GPC5: variants seen among roughly 807,000 people sequenced by gnomAD.
GPC5 encodes the protein glypican 5.
A neutral mutation model predicts 53.9 loss-of-function variants in GPC5; 47 were observed. The ratio of observed to expected loss-of-function variants is 0.87; its 90% CI spans 0.69 to 1.11. The LOEUF (loss-of-function observed/expected upper bound fraction) is 1.11, where lower values mean the gene tolerates loss of function less well. Among genes scored for constraint, GPC5 ranks in the 50% most tolerant of loss-of-function variants. The probability of loss-of-function intolerance (pLI) is 0.00; values close to 1 mark genes in which losing one functional copy is unlikely to be tolerated. For missense variants in GPC5, 748 were observed against 713.1 expected (o/e 1.05, Z -0.56); for synonymous variants, 286 against 263.3 (o/e 1.09, Z -0.84).
intron 6 of GPC5, among the ~76,000 whole-genome samples, chr13:92,076,222 C>G (rs189433683): frequency 3.2e-4 from 48 of 152,162 alleles, no homozygotes; most frequent in African/African-American, 1.2e-3. Flanking sequence ...GCGCCCACCA[C>G]CATGCCTGGC....
At chr13:92,084,091 G>C (rs1485062539) in intron 6 of GPC5, among the ~76,000 whole-genome samples, 2 of 152,112 alleles carry the variant, frequency 1.3e-5, no homozygotes, top group African/African-American at 4.8e-5. Flanking sequence ...ATGGACACAG[G>C]GAGAGGACCA....
intron 7 of GPC5, among the ~76,000 whole-genome samples, chr13:92,315,947 G>C (rs933769631): frequency 1.2e-4 from 18 of 152,036 alleles, no homozygotes; most frequent in Non-Finnish European, 2.6e-4. Flanking sequence ...ACCCTTACAT[G>C]GTTATAATAA....
chr13:92,467,572 T>C lies in GPC5; in HGVS notation c.1561+322583T>C, dbSNP rs534707733. Among the ~76,000 whole-genome samples, 37 of 152,190 alleles carry C rather than the reference T, an allele frequency of 2.4e-4. 1 individual carries two copies. The South Asian group carries it at 5.4e-3, about 22-fold the overall frequency. On this transcript the variant is annotated intron_variant, in intron 7 of 7. Coordinates refer to ENST00000377067, the MANE Select transcript of GPC5 (RefSeq NM_004466.6). ...TTACAGACATACACACAAAGAAATA[T>C]ATGATGTAGGTACTATTGTTATCTT... is the stretch of plus-strand genomic sequence containing the variant.
intron 7 of GPC5, among the ~76,000 whole-genome samples, chr13:92,169,205 A>G (rs1450140884): frequency 1.3e-5 from 2 of 152,166 alleles, no homozygotes; most frequent in Non-Finnish European, 2.9e-5. Context: ...AAGGGAGAGC[A>G]TTGGGAAAAA....
intron 7 of GPC5, among the ~76,000 whole-genome samples, chr13:92,432,787 A>G (rs1877150490): frequency 6.6e-6 from 1 of 152,128 alleles, no homozygotes; most frequent in Non-Finnish European, 1.5e-5. Context: ...TTGGTTGAAT[A>G]TAAGATTCCA....
intron 4 of GPC5, among the ~76,000 whole-genome samples, chr13:91,730,882 G>A (rs2036682521): frequency 6.6e-6 from 1 of 152,164 alleles, no homozygotes; most frequent in Non-Finnish European, 1.5e-5. Flanking sequence ...GAATATCCCA[G>A]TAACATCCAG....
intron 7 of GPC5, among the ~76,000 whole-genome samples, chr13:92,601,742 A>C (rs1490521686): frequency 6.6e-6 from 1 of 152,004 alleles, no homozygotes; most frequent in African/African-American, 2.4e-5. Context: ...TAGTATTATT[A>C]GATTTTATTA....
rs575103420 is a variant in GPC5, at chr13:91,645,616, C to T, written c.326-47571C>T. ...ATTTACGTAAGATAGTGTGAGGTCA[C>T]TTTGAGAAAGGATTTCCTTATCCTA... On this transcript the variant is annotated intron_variant, in intron 2 of 7. Coordinates refer to ENST00000377067, the MANE Select transcript of GPC5 (RefSeq NM_004466.6). Among the ~76,000 whole-genome samples, 37 of 152,266 alleles carry T rather than the reference C, an allele frequency of 2.4e-4. No homozygotes were observed. The South Asian group carries it at 7.7e-3, about 32-fold the overall frequency.
intron 3 of GPC5, among the ~76,000 whole-genome samples, chr13:91,709,487 A>C (rs2036180655): frequency 6.6e-6 from 1 of 152,044 alleles, no homozygotes; most frequent in African/African-American, 2.4e-5. Context: ...TTTTGAATGA[A>C]ATAGGCTCTC....
chr13:92,519,041 C>T (rs1377047314), intron 7 of GPC5, among the ~76,000 whole-genome samples: 1 of 152,140 alleles, frequency 6.6e-6, no homozygotes, highest in Non-Finnish European at 1.5e-5. Flanking sequence ...AAGGCCATTA[C>T]ATAATGGTAA....
At chr13:91,879,352 C>T (rs1006629977) in intron 5 of GPC5, among the ~76,000 whole-genome samples, 12 of 152,078 alleles carry the variant, frequency 7.9e-5, no homozygotes, top group Non-Finnish European at 1.5e-4. Context: ...TAAATTTTAT[C>T]GGTCATGCAT....
At chr13:91,970,639 C>T (rs2040232855) in intron 6 of GPC5, among the ~76,000 whole-genome samples, 1 of 152,074 alleles carries the variant, frequency 6.6e-6, no homozygotes, top group Non-Finnish European at 1.5e-5. Flanking sequence ...ATAGTGAAAA[C>T]ATCAATACCT....
intron 4 of GPC5, among the ~76,000 whole-genome samples, chr13:91,744,464 G>T (rs922857581): frequency 9.9e-5 from 15 of 151,992 alleles, no homozygotes; most frequent in Non-Finnish European, 8.8e-5. Flanking sequence ...CAGAGTTCAG[G>T]GACACATGTA....
chr13:91,883,187 G>T (rs901386630), intron 5 of GPC5, among the ~76,000 whole-genome samples: 3 of 152,096 alleles, frequency 2.0e-5, no homozygotes, highest in Admixed American at 6.5e-5. Context: ...GGCTCAGATG[G>T]GAGGGACTCT....
At chr13:91,666,451 G>C (rs923073519) in intron 2 of GPC5, among the ~76,000 whole-genome samples, 1 of 152,104 alleles carries the variant, frequency 6.6e-6, no homozygotes, top group East Asian at 1.9e-4. Flanking sequence ...CAGTATCTAG[G>C]AAGGTTAGCC....
At chr13:92,403,920 GA>G (rs1398051859) in intron 7 of GPC5, among the ~76,000 whole-genome samples, 2 of 151,974 alleles carry the variant, frequency 1.3e-5, no homozygotes, top group Admixed American at 1.3e-4. Context: ...AACTTTATTG[GA>G]AAAAATATTT....
chr13:91,873,751 T>C (rs943275619), intron 5 of GPC5, among the ~76,000 whole-genome samples: 1 of 152,184 alleles, frequency 6.6e-6, no homozygotes, highest in African/African-American at 2.4e-5. Flanking sequence ...TGGCCCATTC[T>C]CAGCTCACTG....
chr13:91,670,847 A>G (rs1182442566), intron 2 of GPC5, among the ~76,000 whole-genome samples: 1 of 152,226 alleles, frequency 6.6e-6, no homozygotes, highest in East Asian at 1.9e-4. Flanking sequence ...TTCACATGAA[A>G]TTGCCAAAAT....
intron 7 of GPC5, among the ~76,000 whole-genome samples, chr13:92,354,588 G>A (rs901821360): frequency 1.3e-5 from 2 of 152,156 alleles, no homozygotes; most frequent in Admixed American, 6.5e-5. Flanking sequence ...CTAATGGCTA[G>A]AGCAAGAACT....
Sources: gnomAD v4.1 joint callset for allele counts (sites outside exome capture counted in the v4.1 genomes callset) on GRCh38, gnomAD v4.1.1 for gene constraint, MANE v1.5 for transcripts, NCBI Gene and HGNC (gene_info 2026-07-23, HGNC 2026-07-21) for gene names.